The following PPP2R2B variants were observed in gnomAD, a reference collection of about 807,000 sequenced individuals.
PPP2R2B encodes protein phosphatase 2 regulatory subunit Bbeta.
In PPP2R2B, 5 loss-of-function variants were observed where a neutral mutation model predicts 46.0. That is an observed-to-expected ratio of 0.11 (90% CI 0.06 to 0.23). The LOEUF is 0.23. Among genes scored for constraint, PPP2R2B ranks in the 10% least tolerant of loss-of-function variants. The pLI is 1.00. For missense variants in PPP2R2B, 367 were observed against 575.0 expected, an observed-to-expected ratio of 0.64 and a Z score of 3.70; for synonymous variants, 215 against 206.7, an observed-to-expected ratio of 1.04 and a Z score of -0.34.
At chr5:146,655,339 TC>T (rs1776252775) in intron 5 of PPP2R2B, among the ~76,000 whole-genome samples, 1 of 151,982 alleles carries the variant, frequency 6.6e-6, no homozygotes, top group Non-Finnish European at 1.5e-5. Context: ...GGGAAGCTCT[TC>T]CCCCCCAGAG....
chr5:146,764,478 T>C (rs900466394), intron 2 of PPP2R2B, among the ~76,000 whole-genome samples: 5 of 152,166 alleles, frequency 3.3e-5, no homozygotes, highest in African/African-American at 4.8e-5. Context: ...TCAGTAATTA[T>C]ACAACCAAAC....
intron 2 of PPP2R2B, among the ~76,000 whole-genome samples, chr5:146,771,714 C>T (rs1174853604): frequency 6.6e-6 from 1 of 152,194 alleles, no homozygotes; most frequent in Non-Finnish European, 1.5e-5. Context: ...GTGAGAAACT[C>T]TCCAAACAAT....
At chr5:147,081,519 A>C, upstream of PPP2R2B, 1 of 580,964 alleles carries the variant, frequency 1.7e-6, no homozygotes, top group South Asian at 2.2e-5. Context: ...TCCTTCTGTG[A>C]TGGTGGGGAA....
intron 2 of PPP2R2B, among the ~76,000 whole-genome samples, chr5:146,743,211 G>T (rs939830759): frequency 6.6e-6 from 1 of 152,128 alleles, no homozygotes; most frequent in Admixed American, 6.5e-5. Flanking sequence ...TGTCATAAAC[G>T]ATTGATGGGT....
chr5:147,021,593 G>T (rs926167743), intron 1 of PPP2R2B, among the ~76,000 whole-genome samples: 2 of 152,154 alleles, frequency 1.3e-5, no homozygotes, highest in Non-Finnish European at 2.9e-5. Flanking sequence ...ACCCAAGAAA[G>T]GCTATACCTT....
chr5:147,080,209 G>A (rs1043897382), intron 2 of PPP2R2B, among the ~76,000 whole-genome samples: 1 of 152,116 alleles, frequency 6.6e-6, no homozygotes, highest in African/African-American at 2.4e-5. Context: ...ATGCATTTAT[G>A]CATGTTAGTT....
chr5:146,725,465 T>C (rs532811502), intron 2 of PPP2R2B, among the ~76,000 whole-genome samples: 17 of 152,324 alleles, frequency 1.1e-4, no homozygotes, highest in African/African-American at 4.1e-4. Flanking sequence ...AGCTAGGATA[T>C]GCATGCATGC....
At chr5:146,989,600 A>G (rs1375550912) in intron 1 of PPP2R2B, among the ~76,000 whole-genome samples, 1 of 152,092 alleles carries the variant, frequency 6.6e-6, no homozygotes, top group Non-Finnish European at 1.5e-5. Context: ...ACATACCTCG[A>G]TACAATAAAG....
In PPP2R2B at chr5:147,052,131, C is replaced by A. The variant is rs190639946; in HGVS notation, c.79+3534G>T. On this transcript the variant is annotated intron_variant, in intron 1 of 8. Transcript: ENST00000336640. The stretch of plus-strand genomic sequence containing the variant: ...TGGTTGCCCTGGCTTCTGTTTGTAT[C>A]TTCTTATTTCAAGTTAAAGAACATT... Among the ~76,000 whole-genome samples, 341 of 151,892 alleles carry A rather than the reference C, an allele frequency of 2.2e-3. 4 individuals are homozygous for A. Among genetic ancestry groups the A allele is most frequent in the Non-Finnish European group, 1.1e-3 (72 of 67,972 alleles).
At chr5:146,699,917 G>C (rs1179923957) in intron 3 of PPP2R2B, among the ~76,000 whole-genome samples, 1 of 152,084 alleles carries the variant, frequency 6.6e-6, no homozygotes, top group African/African-American at 2.4e-5. Flanking sequence ...AGGTCATGAA[G>C]AGCTATTAGT....
rs1770215771 is a variant in PPP2R2B, at chr5:146,587,334, T to A, written c.*2613A>T. 6.6e-6 allele frequency: 1 copy of A among 151,954 alleles called. No individual in the cohort carries two copies. The allele number at this position is 151,954 out of a possible 1,614,324, so 9.4% of individuals were successfully genotyped here. Reference sequence around the variant, plus strand: ...TTCCCCTCCTGTTCCCGTCCAGGAGTCTTGGGTGTTTGCTCTAATGCATCC... The same window carrying A: ...TTCCCCTCCTGTTCCCGTCCAGGAGACTTGGGTGTTTGCTCTAATGCATCC... On this transcript the variant is annotated 3_prime_UTR_variant, in exon 10 of 10. Transcript: ENST00000394411.
intron 1 of PPP2R2B, among the ~76,000 whole-genome samples, chr5:146,952,969 C>A (rs1751693452): frequency 6.6e-6 from 1 of 152,098 alleles, no homozygotes; most frequent in Admixed American, 6.6e-5. Context: ...AGGCAGATAG[C>A]TGCAAAGTTT....
intron 5 of PPP2R2B, among the ~76,000 whole-genome samples, chr5:146,660,846 G>C (rs540825407): frequency 2.0e-5 from 3 of 152,252 alleles, no homozygotes; most frequent in South Asian, 4.1e-4. Flanking sequence ...ACTGTATTAG[G>C]TAGTATGTGT....
intron 2 of PPP2R2B, among the ~76,000 whole-genome samples, chr5:146,737,024 T>C (rs1364378731): frequency 6.6e-6 from 1 of 152,264 alleles, no homozygotes; most frequent in African/African-American, 2.4e-5. Context: ...AATATCCTTT[T>C]AACATGTAAT....
chr5:146,983,541 C>T (rs1753284194), intron 1 of PPP2R2B, among the ~76,000 whole-genome samples: 1 of 152,120 alleles, frequency 6.6e-6, no homozygotes, highest in Non-Finnish European at 1.5e-5. Flanking sequence ...ATTATATAAA[C>T]AAAAGTTATC....
At chr5:147,003,659 C>T (rs1194551157) in intron 1 of PPP2R2B, among the ~76,000 whole-genome samples, 1 of 152,146 alleles carries the variant, frequency 6.6e-6, no homozygotes, top group African/African-American at 2.4e-5. Context: ...GTCAGCAAGC[C>T]ATCCCCAGTA....
rs572300164 is a variant in PPP2R2B at position 146,808,402 on chromosome 5, A to G, written c.70+69600T>C. ...TTAGAGAATCCAATTGCTGAAAATC[A>G]TCACTCTATCACTGGCCTTGTTCTG... is the stretch of plus-strand genomic sequence containing the variant. On this transcript the variant is annotated intron_variant, in intron 2 of 9. Coordinates refer to ENST00000394411, the MANE Select transcript of PPP2R2B (RefSeq NM_181675.4). Among the ~76,000 whole-genome samples, 4 of 152,302 alleles carry G rather than the reference A, an allele frequency of 2.6e-5. No individual in the cohort carries two copies. The South Asian group carries it at 8.3e-4, about 32-fold the overall frequency.
At chr5:146,820,466 T>C (rs978397772) in intron 2 of PPP2R2B, among the ~76,000 whole-genome samples, 1 of 152,124 alleles carries the variant, frequency 6.6e-6, no homozygotes, top group Admixed American at 6.6e-5. Flanking sequence ...TGGCCAATAG[T>C]TTCCCAGGGG....
At position 146,587,100 on chromosome 5, in the gene PPP2R2B, G is replaced by A. The variant is rs1197991667; in HGVS notation, c.*2847C>T. 1 of 152,162 alleles carries A rather than the reference G, an allele frequency of 6.6e-6. No individual in the cohort carries two copies. Among genetic ancestry groups the A allele is most frequent in the Admixed American group, 6.5e-5 (1 of 15,274 alleles). 9.4% of individuals were successfully genotyped at this position (152,162 alleles called of 1,614,324 possible). On this transcript the variant is annotated 3_prime_UTR_variant, in exon 10 of 10. Coordinates refer to ENST00000394411, the MANE Select transcript of PPP2R2B (RefSeq NM_181675.4). ...TAGGGCCCTTAGAATCGAACCAACT[G>A]TTGCAAGGTAGCAAATCAGCCTTCA...
Sources: gnomAD v4.1 joint callset for allele counts (sites outside exome capture counted in the v4.1 genomes callset) on GRCh38, gnomAD v4.1.1 for gene constraint, MANE v1.5 for transcripts, NCBI Gene and HGNC (gene_info 2026-07-23, HGNC 2026-07-21) for gene names.